The following COBLL1 variants were observed in gnomAD, a reference collection of about 807,000 sequenced individuals.
COBLL1 encodes cordon-bleu protein-like 1.
A neutral mutation model predicts 94.8 loss-of-function variants in COBLL1; 50 were observed. The observed-to-expected ratio is 0.53, with a 90% confidence interval of 0.42 to 0.67. The LOEUF is 0.67. Among genes scored for constraint, COBLL1 ranks in the 30% least tolerant of loss-of-function variants. The pLI, the probability that COBLL1 is intolerant of heterozygous loss-of-function variation, is 0.00. For missense variants in COBLL1, 1,362 were observed against 1,348.7 expected, an observed-to-expected ratio of 1.01 and a Z score of -0.15; for synonymous variants, 448 against 473.8, an observed-to-expected ratio of 0.95 and a Z score of 0.71.
chr2:164,825,812 A>C (rs1421674602), intron 2 of COBLL1, among the ~76,000 whole-genome samples: 1 of 152,174 alleles, frequency 6.6e-6, no homozygotes, highest in Admixed American at 6.6e-5. Context: ...TCATCCTGAG[A>C]GATGGAGGAG....
At chr2:164,697,100 A>G (rs980545704) in intron 11 of COBLL1, 5 of 152,210 alleles carry the variant, frequency 3.3e-5, no homozygotes, top group African/African-American at 1.2e-4. Flanking sequence ...GAAAAATATC[A>G]TGTTAGGTAA....
chr2:164,728,467 T>C (rs535596365), intron 4 of COBLL1, among the ~76,000 whole-genome samples: 2 of 152,074 alleles, frequency 1.3e-5, no homozygotes, highest in African/African-American at 2.4e-5. Flanking sequence ...ACTAGCCTCA[T>C]ATCTAGTACT....
rs183072948 is a variant in COBLL1 at position 164,795,473 on chromosome 2, A to G, written c.41+45683T>C. 3.2e-4 allele frequency among the ~76,000 whole-genome samples: 49 copies of G among 152,270 alleles called. 1 individual carries two copies. The East Asian group carries it at 6.2e-3, about 19-fold the overall frequency. On this transcript the variant is annotated intron_variant, in intron 2 of 13. Coordinates refer to ENST00000652658, the MANE Select transcript of COBLL1 (RefSeq NM_001365672.2). ...TTCGTTATATTTTATTAAATTAACC[A>G]TTGCAAATATCTTCTAAATTTTTCT...
intron 2 of COBLL1, among the ~76,000 whole-genome samples, chr2:164,832,470 C>T (rs1574670526): frequency 6.6e-6 from 1 of 152,176 alleles, no homozygotes; most frequent in African/African-American, 2.4e-5. Context: ...AGTCAACCTA[C>T]ACATCATATT....
In COBLL1 at chr2:164,808,908, A is replaced by C. The variant is rs577395713; in HGVS notation, c.41+32248T>G. Among the ~76,000 whole-genome samples, 516 of 152,276 alleles carry C rather than the reference A, an allele frequency of 3.4e-3. 2 individuals carry two copies. Among genetic ancestry groups the C allele is most frequent in the South Asian group, 7.3e-3 (35 of 4,824 alleles). ...CCCACTCACATATTCTTAAAAAGTA[A>C]GAACAATGTTTCTTTTTATAGCCAA... is the stretch of plus-strand genomic sequence containing the variant. On this transcript the variant is annotated intron_variant, in intron 2 of 13. Coordinates refer to ENST00000652658, the MANE Select transcript of COBLL1 (RefSeq NM_001365672.2).
At chr2:164,785,290 G>A (rs184029004) in intron 2 of COBLL1, among the ~76,000 whole-genome samples, 4 of 152,236 alleles carry the variant, frequency 2.6e-5, no homozygotes, top group Admixed American at 6.5e-5. Context: ...TGGGGAGGCC[G>A]AGGCACAAGA....
intron 2 of COBLL1, among the ~76,000 whole-genome samples, chr2:164,833,364 A>G (rs1353200779): frequency 6.6e-6 from 1 of 152,200 alleles, no homozygotes; most frequent in Non-Finnish European, 1.5e-5. Flanking sequence ...AAAAATAAAT[A>G]AATAAATAGC....
chr2:164,758,736 G>T (rs1206662587), intron 2 of COBLL1, among the ~76,000 whole-genome samples: 1 of 151,424 alleles, frequency 6.6e-6, no homozygotes, highest in Non-Finnish European at 1.5e-5. Flanking sequence ...TTTTTCTTTG[G>T]CACATAGAAA....
chr2:164,832,978 G>C (rs922965933), intron 2 of COBLL1, among the ~76,000 whole-genome samples: 1 of 152,106 alleles, frequency 6.6e-6, no homozygotes, highest in Non-Finnish European at 1.5e-5. Flanking sequence ...GGGAGAGGGA[G>C]GTTGTGGTGA....
intron 3 of COBLL1, among the ~76,000 whole-genome samples, chr2:164,733,271 T>G (rs1236759074): frequency 6.6e-6 from 1 of 152,166 alleles, no homozygotes; most frequent in African/African-American, 2.4e-5. Context: ...TAATAAATAG[T>G]GTGGGTAATT....
chr2:164,812,594 C>CT (rs1684512481), intron 2 of COBLL1, among the ~76,000 whole-genome samples: 2 of 151,952 alleles, frequency 1.3e-5, no homozygotes, highest in Non-Finnish European at 2.9e-5. Flanking sequence ...TCCAAACCTC[C>CT]TGTAACTCTG....
intron 7 of COBLL1, 45 bp from the exon 8 acceptor site, chr2:164,705,150 GT>G (rs772667050): frequency 6.9e-7 from 1 of 1,448,568 alleles, no homozygotes; most frequent in South Asian, 1.5e-5. Context: ...TTAGAAATCA[GT>G]AGCAAACTTT....
At chr2:164,744,535 A>C (rs1686765647) in intron 2 of COBLL1, among the ~76,000 whole-genome samples, 1 of 152,178 alleles carries the variant, frequency 6.6e-6, no homozygotes, top group Non-Finnish European at 1.5e-5. Context: ...AGCATGAAGC[A>C]TGCTAGCCAG....
intron 2 of COBLL1, among the ~76,000 whole-genome samples, chr2:164,659,054 T>C (rs1330569898): frequency 1.3e-5 from 2 of 152,116 alleles, no homozygotes; most frequent in Non-Finnish European, 2.9e-5. Flanking sequence ...GTTTGATAGG[T>C]GTTCCCTCGA....
At chr2:164,842,005 C>T, upstream of COBLL1, 2 of 1,540,040 alleles carry the variant, frequency 1.3e-6, no homozygotes, top group East Asian at 2.5e-5. Flanking sequence ...GCCGCCTCTG[C>T]AGCACGGCCG....
intron 3 of COBLL1, among the ~76,000 whole-genome samples, chr2:164,730,716 C>A (rs1294212878): frequency 1.3e-5 from 2 of 152,124 alleles, no homozygotes; most frequent in African/African-American, 4.8e-5. Flanking sequence ...CCTTTCCTTA[C>A]CCAAGAGCAG....
At chr2:164,666,964 G>A (rs147891259) in intron 1 of COBLL1, among the ~76,000 whole-genome samples, 1,570 of 152,078 alleles carry the variant, frequency 0.01, 20 homozygotes, top group Middle Eastern at 0.027. Flanking sequence ...AATCACAAAT[G>A]TTCTTAATGG....
intron 2 of COBLL1, among the ~76,000 whole-genome samples, chr2:164,787,916 C>T (rs1682949939): frequency 6.6e-6 from 1 of 152,124 alleles, no homozygotes; most frequent in African/African-American, 2.4e-5. Flanking sequence ...ATTTCTACAA[C>T]CAAACCTGAA....
intron 2 of COBLL1, among the ~76,000 whole-genome samples, chr2:164,777,246 T>C (rs986834005): frequency 1.3e-5 from 2 of 151,982 alleles, no homozygotes; most frequent in African/African-American, 2.4e-5. Flanking sequence ...AACCTTACTA[T>C]TGGTTTTATT....
Sources: gnomAD v4.1 joint callset for allele counts (sites outside exome capture counted in the v4.1 genomes callset) on GRCh38, gnomAD v4.1.1 for gene constraint, MANE v1.5 for transcripts, NCBI Gene and HGNC (gene_info 2026-07-23, HGNC 2026-07-21) for gene names.